TTC9B: variants seen among roughly 807,000 people sequenced by gnomAD.
TTC9B encodes the protein tetratricopeptide repeat protein 9B.
Under a neutral mutation model 19.4 loss-of-function variants are expected in TTC9B, and 12 were observed. The ratio of observed to expected loss-of-function variants is 0.62; its 90% CI spans 0.40 to 1.00. The LOEUF (loss-of-function observed/expected upper bound fraction) is 1.00, where lower values mean the gene tolerates loss of function less well. TTC9B is among the 50% of genes least tolerant of loss of function. TTC9B has a pLI of 0.00. For missense variants in TTC9B, 316 were observed against 345.2 expected, an observed-to-expected ratio of 0.92 and a Z score of 0.67; for synonymous variants, 156 against 158.6, an observed-to-expected ratio of 0.98 and a Z score of 0.12.
In TTC9B at chr19:40,217,269, A is replaced by T; in HGVS notation, c.528T>A (p.Arg176=). 6.2e-7 allele frequency: 1 copy of T among 1,614,048 alleles called. No individual in the cohort carries two copies. The highest frequency in any genetic ancestry group is 1.3e-5 in the African/African-American group (1 of 75,048). The part of the protein sequence containing the change: ...KQQGNFKATY[R]AGIAFYHLGD... Reference sequence around the variant, plus strand: ...CCAGGTGGTAGAAGGCAATGCCGGCACGGTAGGTGGCCTTGAAGTTGCCCT... The same window carrying T: ...CCAGGTGGTAGAAGGCAATGCCGGCTCGGTAGGTGGCCTTGAAGTTGCCCT... Residue 176 remains arginine, a synonymous_variant, in exon 2 of 3, where the codon CGT becomes CGA. Coordinates refer to ENST00000311308, the MANE Select transcript of TTC9B (RefSeq NM_152479.6).
rs1170443382 is a variant in TTC9B, at chr19:40,217,906, G to A, written c.427+49C>T. 3 of 1,336,744 alleles carry A rather than the reference G, an allele frequency of 2.2e-6. No homozygotes were observed. In the South Asian group the frequency reaches 4.4e-5, roughly 20 times the overall value. 82.8% of individuals were successfully genotyped at this position (1,336,744 alleles called of 1,614,324 possible). ...GGCCCCCAAGTCGCCAAGCTCTCCCGATTGCCCCCTCCCCTCGTGCCCCAT... is the reference window on the plus strand; with the variant it reads ...GGCCCCCAAGTCGCCAAGCTCTCCCAATTGCCCCCTCCCCTCGTGCCCCAT... On this transcript the variant is annotated intron_variant, in intron 1 of 2. Transcript: ENST00000311308.
chr19:40,217,623 G>A (rs1264067242), intron 1 of TTC9B: 7 of 536,112 alleles, frequency 1.3e-5, no homozygotes, highest in Non-Finnish European at 1.9e-5. Context: ...GGCCCCGCGC[G>A]GGGGCGAGGG....
At chr19:40,216,980 A>T (rs1342370488) in intron 2 of TTC9B, 4 of 603,156 alleles carry the variant, frequency 6.6e-6, no homozygotes, top group Non-Finnish European at 1.2e-5. Flanking sequence ...AGGTGGACGG[A>T]TGTTTGAATG....
chr19:40,216,933 A>G (rs1906725844), intron 2 of TTC9B: 1 of 582,338 alleles, frequency 1.7e-6, no homozygotes, highest in African/African-American at 1.9e-5. Context: ...CAATGACGGT[A>G]GATGAGAAAT....
At chr19:40,217,920 C>CCCCT in intron 1 of TTC9B, 35 bp downstream of exon 1, 2 of 1,316,536 alleles carry the variant, frequency 1.5e-6, no homozygotes, top group Non-Finnish European at 1.0e-6. Flanking sequence ...GCCCCCTCCC[C>CCCCT]TCGTGCCCCA....
rs11553464 is a variant in TTC9B, at chr19:40,216,215, A to T, written c.668T>A (p.Leu223His). 6.2e-7 allele frequency: 1 copy of T among 1,614,072 alleles called. No homozygotes were observed. Among genetic ancestry groups the T allele is most frequent in the Non-Finnish European group, 8.5e-7 (1 of 1,180,042 alleles). The change falls in exon 3 of 3, where the codon CTC becomes CAC. Residue 223 changes from leucine to histidine, a missense_variant. By Grantham distance (99) the Leu-to-His change is moderately conservative (BLOSUM62 -3). Coordinates refer to ENST00000311308, the MANE Select transcript of TTC9B (RefSeq NM_152479.6). ...CCCAGCCCCACTGTCTTCCCGCTGG[A>T]GGCTGCAACGATTCATCTTCAGCTG... ...LTQLKMNRCS[L>H]QREDSGAGSQ... is the part of the protein sequence containing the mutation.
chr19:40,217,169 C>G lies in TTC9B; in HGVS notation c.610+18G>C. On this transcript the variant is annotated intron_variant, in intron 2 of 2. Transcript: ENST00000311308. ...GCCCTGGGCCCAGCCCTCACCTCTG[C>G]CCCGCCCCGCCACTCACCTGTGGGT... 4 of 1,602,656 alleles carry G rather than the reference C, an allele frequency of 2.5e-6. No individual in the cohort carries two copies. Among genetic ancestry groups the G allele is most frequent in the Non-Finnish European group, 3.4e-6 (4 of 1,176,184 alleles).
chr19:40,216,813 G>T (rs1005368690), intron 2 of TTC9B: 1 of 396,334 alleles, frequency 2.5e-6, no homozygotes. Flanking sequence ...GTGAATGGGT[G>T]AGTGGAGGAA....
In TTC9B at chr19:40,217,250, G is replaced by T; in HGVS notation, c.547C>A (p.His183Asn). Reference sequence around the variant, plus strand: ...AGCGCGCGTGCGTAGTCGCCCAGGTGGTAGAAGGCAATGCCGGCACGGTAG... The same window carrying T: ...AGCGCGCGTGCGTAGTCGCCCAGGTTGTAGAAGGCAATGCCGGCACGGTAG... ...ATYRAGIAFYHLGDYARALRY... is the reference protein window; with the variant it reads ...ATYRAGIAFYNLGDYARALRY... Residue 183 changes from histidine (H) to asparagine (N), a missense_variant, in exon 2 of 3, where the codon CAC (histidine) becomes AAC (asparagine). Physicochemically the swap from His to Asn is moderately conservative, Grantham distance 68. Transcript: ENST00000311308. 3 of 1,614,018 alleles carry T rather than the reference G, an allele frequency of 1.9e-6. No homozygotes were observed. Among genetic ancestry groups the T allele is most frequent in the Non-Finnish European group, 2.5e-6 (3 of 1,179,946 alleles).
At chr19:40,217,439 G>A in intron 1 of TTC9B, 70 bp from the exon 2 acceptor site, 1 of 1,543,788 alleles carries the variant, frequency 6.5e-7, no homozygotes. Flanking sequence ...ACTGCGAGGA[G>A]CCGAGGCTCC....
At chr19:40,217,932 C>CGG (rs1973392881) in intron 1 of TTC9B, 23 bp downstream of exon 1, 1 of 1,174,296 alleles carries the variant, frequency 8.5e-7, no homozygotes, top group Non-Finnish European at 1.1e-6. Flanking sequence ...CGTGCCCCAT[C>CGG]CCCCCACCCC....
intron 2 of TTC9B, chr19:40,216,632 C>T: frequency 3.1e-6 from 1 of 326,214 alleles, no homozygotes; most frequent in African/African-American, 2.1e-5. Context: ...TGTTGTAATC[C>T]CTCTTCCTTC....
Position 40,217,202 on chromosome 19 carries a change from T to C in TTC9B, c.595A>G (p.Ser199Gly). 1 of 1,612,860 alleles carries C rather than the reference T, an allele frequency of 6.2e-7. No homozygotes were observed. Among genetic ancestry groups the C allele is most frequent in the Middle Eastern group, 1.7e-4 (1 of 5,966 alleles). ...CGCCACTCACCTGTGGGTTCCCGGC[T>C]GCGGGCCTCCTGCAGGTAGCGCAGC... ...RALRYLQEAR[S>G]REPTDTNVLR... is the part of the protein sequence containing the mutation. Residue 199 changes from serine (S) to glycine (G), a missense_variant, in exon 2 of 3, where the codon AGC becomes GGC. By Grantham distance (56) the Ser-to-Gly change is moderately conservative. Transcript: ENST00000311308.
rs1973399120 is a variant in TTC9B, at chr19:40,218,212, G to A, written c.170C>T (p.Ala57Val). 2 of 1,569,612 alleles carry A rather than the reference G, an allele frequency of 1.3e-6. No homozygotes were observed. Among genetic ancestry groups the A allele is most frequent in the East Asian group, 2.6e-5 (1 of 38,978 alleles). Residue 57 changes from alanine (A) to valine (V), a missense_variant, in exon 1 of 3, where the codon GCG (alanine) becomes GTG (valine). Transcript: ENST00000311308. This position sits in a 1 kb window ranked among gnomAD's most constrained non-coding sequence, Gnocchi z 4.2. The part of the protein sequence containing the change: ...TPEPSGSLGA[A>V]LDSSLRAAVA... ...GGCGGCACGCAGGCTGCTGTCGAGC[G>A]CCGCGCCCAGGCTCCCCGACGGCTC...
chr19:40,217,509 G>A (rs1043404104), intron 1 of TTC9B, 140 bp from the exon 2 acceptor site: 30 of 1,121,948 alleles, frequency 2.7e-5, no homozygotes, highest in Non-Finnish European at 3.6e-5. Context: ...CAATCCGCTC[G>A]CCTATCGAAA....
chr19:40,217,082 G>A (rs750303849), intron 2 of TTC9B, 105 bp downstream of exon 2: 21 of 1,288,578 alleles, frequency 1.6e-5, no homozygotes, highest in Non-Finnish European at 2.1e-5. Flanking sequence ...TCCGCGGGAG[G>A]AGGGCTCTGC....
In TTC9B at chr19:40,218,189, C is replaced by A. The variant is rs376663858; in HGVS notation, c.193G>T (p.Ala65Ser). The A allele has an allele frequency of 6.3e-7, 1 of 1,575,188 alleles. No individual in the cohort carries two copies. Among genetic ancestry groups the A allele is most frequent in the Non-Finnish European group, 8.6e-7 (1 of 1,164,842 alleles). The change falls in exon 1 of 3, where the codon GCC becomes TCC. Residue 65 changes from alanine to serine, a missense_variant. Transcript: ENST00000311308. The surrounding 1 kb of genome is among the most constrained non-coding windows in gnomAD (Gnocchi z 4.2). ...TGGCCCTCTGCCTTGAACGCCACGGCGGCACGCAGGCTGCTGTCGAGCGCC... is the reference window on the plus strand; with the variant it reads ...TGGCCCTCTGCCTTGAACGCCACGGAGGCACGCAGGCTGCTGTCGAGCGCC... Reference protein sequence around the residue: ...GAALDSSLRAAVAFKAEGQRC... With the variant: ...GAALDSSLRASVAFKAEGQRC...
Position 40,218,043 on chromosome 19 carries a change from G to A in TTC9B, c.339C>T (p.Pro113=). ...GGCGCGCCGGCCCGGGGCTGCTGGT[G>A]GGCCCGGGGGCGGGGGCGGGCAGGC... is the stretch of plus-strand genomic sequence containing the variant. The part of the protein sequence containing the change: ...PSGLPAPAPG[P]TSSPGPARLS... The change falls in exon 1 of 3, where the codon CCC becomes CCT. Residue 113 remains proline (P), a synonymous_variant. Transcript: ENST00000311308. The surrounding 1 kb of genome is among the most constrained non-coding windows in gnomAD (Gnocchi z 4.2). The A allele has an allele frequency of 2.7e-6, 4 of 1,484,068 alleles. No homozygotes were observed. The highest frequency in any genetic ancestry group is 1.3e-5 in the South Asian group (1 of 75,718). 91.9% of individuals were successfully genotyped at this position (1,484,068 alleles called of 1,614,324 possible).
At chr19:40,217,618 C>T (rs546291181) in intron 1 of TTC9B, 187 of 534,936 alleles carry the variant, frequency 3.5e-4, no homozygotes, top group African/African-American at 3.4e-3. Flanking sequence ...ACTAAGGCCC[C>T]GCGCGGGGGC....
Sources: allele counts gnomAD v4.1 joint callset, GRCh38; gene constraint gnomAD v4.1.1; non-coding constraint Gnocchi (gnomAD v3.1); transcripts MANE v1.5; gene names NCBI Gene and HGNC (gene_info 2026-07-23, HGNC 2026-07-21).